The following CSMD1 variants were observed in gnomAD, a reference collection of about 807,000 sequenced individuals.
CSMD1 encodes the protein CUB and Sushi multiple domains 1.
In CSMD1, 213 loss-of-function variants were observed where a neutral mutation model predicts 417.5. The observed-to-expected ratio is 0.51, with a 90% CI of 0.46 to 0.57. The LOEUF is 0.57. Ranked by LOEUF, CSMD1 falls within the 20% of genes least tolerant of loss-of-function variation. The pLI is 0.00. For missense variants in CSMD1, 6,923 were observed against 4,529.7 expected (o/e 1.53, Z -15.17); for synonymous variants, 2,862 against 1,736.8 (o/e 1.65, Z -16.11).
At chr8:4,833,016 T>C (rs1005821175) in intron 1 of CSMD1, among the ~76,000 whole-genome samples, 1 of 152,186 alleles carries the variant, frequency 6.6e-6, no homozygotes, top group Non-Finnish European at 1.5e-5. Context: ...GGACCGACCT[T>C]CATCACTTCA....
chr8:4,091,977 A>G (rs1017453333), intron 3 of CSMD1, among the ~76,000 whole-genome samples: 1 of 152,336 alleles, frequency 6.6e-6, no homozygotes, highest in Non-Finnish European at 1.5e-5. Context: ...CTGCTAAGAC[A>G]TTTTATGCGC....
intron 7 of CSMD1, chr8:3,704,614 T>G (rs1801062639): frequency 6.6e-6 from 1 of 152,248 alleles, no homozygotes; most frequent in Non-Finnish European, 1.5e-5. Flanking sequence ...CTCTGCCTTG[T>G]GAAAAGCTTT....
chr8:4,031,318 G>A (rs552144765), intron 4 of CSMD1, among the ~76,000 whole-genome samples: 2 of 152,286 alleles, frequency 1.3e-5, no homozygotes, highest in South Asian at 2.1e-4. Context: ...AAGTGGCTGG[G>A]GAAGCCTCAC....
chr8:4,024,820 T>G (rs1796980336), intron 4 of CSMD1, among the ~76,000 whole-genome samples: 1 of 152,336 alleles, frequency 6.6e-6, no homozygotes, highest in East Asian at 1.9e-4. Flanking sequence ...TGAGTATGAC[T>G]TCAGGGATCT....
At chr8:4,156,741 T>G (rs1448359730) in intron 3 of CSMD1, among the ~76,000 whole-genome samples, 1 of 152,154 alleles carries the variant, frequency 6.6e-6, no homozygotes, top group African/African-American at 2.4e-5. Context: ...CAGTGACAGC[T>G]TCAACCTTTG....
intron 7 of CSMD1, among the ~76,000 whole-genome samples, chr8:3,643,788 T>A (rs943363484): frequency 1.3e-5 from 2 of 151,014 alleles, no homozygotes; most frequent in Non-Finnish European, 2.9e-5. Context: ...CACCCACCAG[T>A]AATACAGAGA....
chr8:3,750,654 T>C (rs1448614835), intron 6 of CSMD1, among the ~76,000 whole-genome samples: 1 of 152,158 alleles, frequency 6.6e-6, no homozygotes, highest in Non-Finnish European at 1.5e-5. Flanking sequence ...TGAACAAATG[T>C]TTTCCCTGCT....
At chr8:3,298,454 A>G (rs1008959105) in intron 25 of CSMD1, among the ~76,000 whole-genome samples, 2 of 151,736 alleles carry the variant, frequency 1.3e-5, no homozygotes, top group African/African-American at 2.4e-5. Flanking sequence ...AAACTGTACA[A>G]TCTCTCTCTC....
At chr8:4,865,861 C>G (rs1361782000) in intron 1 of CSMD1, among the ~76,000 whole-genome samples, 1 of 151,770 alleles carries the variant, frequency 6.6e-6, no homozygotes, top group African/African-American at 2.4e-5. Flanking sequence ...CCTATTTTTT[C>G]CATTTAATTT....
At chr8:4,386,208 G>T (rs532718174) in intron 3 of CSMD1, among the ~76,000 whole-genome samples, 3 of 151,364 alleles carry the variant, frequency 2.0e-5, no homozygotes, top group Non-Finnish European at 2.9e-5. Flanking sequence ...TCCATCCCTG[G>T]TTATGACTTC....
At chr8:3,388,896 TACACACACACACAC>T (rs6150441) in intron 17 of CSMD1, among the ~76,000 whole-genome samples, 278 of 147,754 alleles carry the variant, frequency 1.9e-3, no homozygotes, top group Middle Eastern at 0.01. Context: ...CACACATGCA[TACACACACACACAC>T]ACACACACAC....
chr8:4,875,071 TG>T (rs891806292), intron 1 of CSMD1, among the ~76,000 whole-genome samples: 3 of 151,912 alleles, frequency 2.0e-5, no homozygotes, highest in African/African-American at 7.3e-5. Flanking sequence ...TTTCTTTTTT[TG>T]TAAGAAAATC....
chr8:3,238,689 G>A (rs922763215), intron 26 of CSMD1, among the ~76,000 whole-genome samples: 6 of 152,010 alleles, frequency 3.9e-5, no homozygotes, highest in Admixed American at 1.3e-4. Context: ...AAAACTAAAC[G>A]GAATAAGAGG....
chr8:3,837,041 C>A (rs1251483785), intron 5 of CSMD1, among the ~76,000 whole-genome samples: 1 of 151,034 alleles, frequency 6.6e-6, no homozygotes, highest in Non-Finnish European at 1.5e-5. Flanking sequence ...CAGGCTGGGT[C>A]AATTGATGCC....
chr8:4,078,002 T>A (rs991113329), intron 3 of CSMD1, among the ~76,000 whole-genome samples: 20 of 152,044 alleles, frequency 1.3e-4, no homozygotes, highest in African/African-American at 4.8e-4. Flanking sequence ...ATCTCTCAGT[T>A]GGAAAAAAAT....
In CSMD1 at chr8:4,062,734, C is replaced by CA. The variant is rs531872636; in HGVS notation, c.416-30636dup. 8.3e-3 allele frequency among the ~76,000 whole-genome samples: 1,097 copies of CA among 131,488 alleles called. 25 individuals carry two copies. The highest frequency in any genetic ancestry group is 0.024 in the Admixed American group (308 of 13,024). The allele number at this position is 131,488 out of a possible 152,430, so 86.3% of individuals were successfully genotyped here. A position where few individuals can be genotyped will look rare whatever the true frequency, so the allele number is the denominator to read the frequency against. On this transcript the variant is annotated intron_variant, in intron 3 of 69. Coordinates refer to ENST00000635120, the MANE Select transcript of CSMD1 (RefSeq NM_033225.6). Reference sequence around the variant, plus strand: ...TATTCCTGATCAGCATTATCAAATTCAAAAAAAAAAAAAGGCAGGTTCTGC... The same window carrying CA: ...TATTCCTGATCAGCATTATCAAATTCAAAAAAAAAAAAAAGGCAGGTTCTGC...
intron 2 of CSMD1, among the ~76,000 whole-genome samples, chr8:4,576,772 CAA>C (rs1245548661): frequency 1.3e-5 from 2 of 152,070 alleles, no homozygotes; most frequent in Non-Finnish European, 2.9e-5. Context: ...TATGCTAATT[CAA>C]GTGATATTAA....
intron 3 of CSMD1, among the ~76,000 whole-genome samples, chr8:4,054,865 A>C (rs1798610401): frequency 6.6e-6 from 1 of 152,094 alleles, no homozygotes; most frequent in South Asian, 2.1e-4. Flanking sequence ...AATGTATTGA[A>C]ATGTTCTGTG....
At chr8:3,573,690 G>C (rs369763929) in intron 10 of CSMD1, among the ~76,000 whole-genome samples, 2 of 152,088 alleles carry the variant, frequency 1.3e-5, no homozygotes, top group Non-Finnish European at 1.5e-5. Context: ...GCTTTGAGAG[G>C]AAACTATATA....
Sources: allele counts gnomAD v4.1 joint callset (sites outside exome capture counted in the v4.1 genomes callset), GRCh38; gene constraint gnomAD v4.1.1; transcripts MANE v1.5; gene names NCBI Gene and HGNC (gene_info 2026-07-23, HGNC 2026-07-21).